Variants in HRNR observed in about 807,000 individuals in gnomAD.
HRNR encodes hornerin.
Under a neutral mutation model 4.8 loss-of-function variants are expected in HRNR, and 7 were observed. The ratio of observed to expected loss-of-function variants is 1.47; its 90% CI spans 0.83 to 2.75. The LOEUF (loss-of-function observed/expected upper bound fraction) is 2.75, where lower values mean the gene tolerates loss of function less well. Ranked by LOEUF, HRNR falls within the 30% of genes most tolerant of loss-of-function variation. The pLI, the probability that HRNR is intolerant of heterozygous loss-of-function variation, is 0.00. For synonymous variants in HRNR, 1,023 were observed against 1,242.7 expected (o/e 0.82, Z 3.72); for missense variants, 2,879 against 3,010.4 (o/e 0.96, Z 1.02).
Position 152,218,506 on chromosome 1 carries a change from C to G in HRNR, c.3123G>C (p.Glu1041Asp), listed in dbSNP as rs1350089039. Reference sequence around the variant, plus strand: ...AGCCAGAAGAGTGACCGGAGCCAGACTCATATGGGCCACGGCTTGAAGACC... The same window carrying G: ...AGCCAGAAGAGTGACCGGAGCCAGAGTCATATGGGCCACGGCTTGAAGACC... Reference protein sequence around the residue: ...SGWSSSRGPYESGSGHSSGLG... With the variant: ...SGWSSSRGPYDSGSGHSSGLG... The change falls in exon 3 of 3, where the codon GAG becomes GAC. Residue 1041 changes from glutamate to aspartate, a missense_variant. Around this residue, in one of 8 missense-constraint regions of HRNR, gnomAD observed 2,646 missense variants for 1,377.7 expected, o/e 1.92. Transcript: ENST00000368801. 1 of 1,613,678 alleles carries G rather than the reference C, an allele frequency of 6.2e-7. No homozygotes were observed. The highest frequency in any genetic ancestry group is 8.5e-7 in the Non-Finnish European group (1 of 1,179,974).
At position 152,218,958 on chromosome 1, in the gene HRNR, G is replaced by T. The variant is rs1269769916; in HGVS notation, c.2671C>A (p.Pro891Thr). 14 of 1,613,804 alleles carry T rather than the reference G, an allele frequency of 8.7e-6. No homozygotes were observed. Among genetic ancestry groups the T allele is most frequent in the Non-Finnish European group, 1.2e-5 (14 of 1,179,916 alleles). Residue 891 changes from proline to threonine, a missense_variant, in exon 3 of 3, where the codon CCA (proline) becomes ACA (threonine). This residue lies in a region of HRNR where 2,646 missense variants were observed against 1,377.7 expected (regional missense o/e 1.92). Coordinates refer to ENST00000368801, the MANE Select transcript of HRNR (RefSeq NM_001009931.3). ...CCAGACCCACGCTGGCCGTGGCCTGGAGACTGGCCAGATCCAGAGCCATGT... is the reference window on the plus strand; with the variant it reads ...CCAGACCCACGCTGGCCGTGGCCTGTAGACTGGCCAGATCCAGAGCCATGT... ...GRHGSGSGQS[P>T]GHGQRGSGSG...
At position 152,219,718 on chromosome 1, in the gene HRNR, A is replaced by G. The variant is rs750975884; in HGVS notation, c.1911T>C (p.Gly637=). 1 of 1,613,488 alleles carries G rather than the reference A, an allele frequency of 6.2e-7. No individual in the cohort carries two copies. The highest frequency in any genetic ancestry group is 1.1e-5 in the South Asian group (1 of 91,066). Residue 637 remains glycine (G), a synonymous_variant, in exon 3 of 3, where the codon GGT becomes GGC. Transcript: ENST00000368801. ...GATSGQSSSH[G]QHGSGSSQSS... ...ACTGACTTGAGCCAGAGCCATGCTG[A>G]CCGTGGCTGGAAGACTGACCTGAGG...
rs1404768637 is a variant in HRNR at position 152,218,908 on chromosome 1, G to A, written c.2721C>T (p.Gly907=). The A allele has an allele frequency of 1.2e-6, 2 of 1,613,858 alleles. No individual in the cohort carries two copies. The highest frequency in any genetic ancestry group is 1.7e-5 in the Admixed American group (1 of 60,002). ...GSGSGQSPSY[G]RHGSGSGRSS... ...ACCGACCGGAGCCAGACCCATGTCG[G>A]CCATAGCTGGGAGACTGCCCTGACC... is the stretch of plus-strand genomic sequence containing the variant. The change falls in exon 3 of 3, where the codon GGC becomes GGT. Residue 907 remains glycine (G), a synonymous_variant. Coordinates refer to ENST00000368801, the MANE Select transcript of HRNR (RefSeq NM_001009931.3).
In HRNR at chr1:152,213,242, G is replaced by C. The variant is rs1201840778; in HGVS notation, c.8387C>G (p.Ser2796Cys). Residue 2796 changes from serine (S) to cysteine (C), a missense_variant, in exon 3 of 3, where the codon TCT (serine) becomes TGT (cysteine). Physicochemically the swap from Ser to Cys is moderately radical, Grantham distance 112. This residue lies in a region of HRNR where 158 missense variants were observed against 107.6 expected (regional missense o/e 1.47). Transcript: ENST00000368801. ...GQHGSGSGQSSGYSQHGSGSG... is the reference protein window; with the variant it reads ...GQHGSGSGQSCGYSQHGSGSG... ...GCCACTTCCATGCTGACTATAACCA[G>C]AGGACTGTCCTGAGCCAGACCCATG... 6.2e-7 allele frequency: 1 copy of C among 1,612,826 alleles called. No homozygotes were observed. Among genetic ancestry groups the C allele is most frequent in the Non-Finnish European group, 8.5e-7 (1 of 1,179,362 alleles).
At position 152,219,211 on chromosome 1, in the gene HRNR, A is replaced by G. The variant is rs34625286; in HGVS notation, c.2418T>C (p.His806=). The change falls in exon 3 of 3, where the codon CAT becomes CAC. Residue 806 remains histidine (H), a synonymous_variant. Coordinates refer to ENST00000368801, the MANE Select transcript of HRNR (RefSeq NM_001009931.3). The part of the protein sequence containing the change: ...SGTSCSSSCG[H]YESGSGQASG... ...AAGCCTGGCCTGAGCCAGACTCATA[A>G]TGGCCACAGCTGGAAGAACAACTTG... 0.024 allele frequency: 38,381 copies of G among 1,613,584 alleles called. 658 individuals are homozygous for G. The highest frequency in any genetic ancestry group is 0.056 in the South Asian group (5,057 of 91,036).
At position 152,219,623 on chromosome 1, in the gene HRNR, A is replaced by G. The variant is rs77790012; in HGVS notation, c.2006T>C (p.Phe669Ser). ...SPSRGRHGSD[F>S]GHSSSYGQHG... ...TTGGCCGTAGCTGGAAGAGTGCCCA[A>G]AATCGGACCCATGTCGGCCGCGACT... The change falls in exon 3 of 3, where the codon TTT (phenylalanine) becomes TCT (serine). Residue 669 changes from phenylalanine (F) to serine (S), a missense_variant. This residue lies in a region of HRNR where 2,646 missense variants were observed against 1,377.7 expected (regional missense o/e 1.92). Transcript: ENST00000368801. 4.0e-4 allele frequency: 626 copies of G among 1,583,718 alleles called. 6 individuals are homozygous for G. The South Asian group carries it at 6.5e-3, about 16-fold the overall frequency.
In HRNR at chr1:152,219,343, A is replaced by G; in HGVS notation, c.2286T>C (p.Ser762=). ...YGQHGSGSHQ[S]SGHGRQGSGS... ...CAGACCCTTGTCGGCCGTGGCCCGAAGATTGATGGGAGCCCGACCCATGCT... is the reference window on the plus strand; with the variant it reads ...CAGACCCTTGTCGGCCGTGGCCCGAGGATTGATGGGAGCCCGACCCATGCT... Residue 762 remains serine, a synonymous_variant, in exon 3 of 3, where the codon TCT becomes TCC. Coordinates refer to ENST00000368801, the MANE Select transcript of HRNR (RefSeq NM_001009931.3). 2 of 1,613,690 alleles carry G rather than the reference A, an allele frequency of 1.2e-6. No homozygotes were observed. The highest frequency in any genetic ancestry group is 1.1e-5 in the South Asian group (1 of 91,046).
In HRNR at chr1:152,221,036, C is replaced by G; in HGVS notation, c.593G>C (p.Gly198Ala). Residue 198 changes from glycine to alanine, a missense_variant, in exon 3 of 3, where the codon GGG (glycine) becomes GCG (alanine). This residue lies in a region of HRNR where 2,646 missense variants were observed against 1,377.7 expected (regional missense o/e 1.92). Coordinates refer to ENST00000368801, the MANE Select transcript of HRNR (RefSeq NM_001009931.3). ...QSSGRGQCGS[G>A]SGQSPNYGQH... ...GCCATAGTTGGGAGACTGCCCTGAC[C>G]CAGACCCACATTGGCCGCGGCCTGA... 1.2e-6 allele frequency: 2 copies of G among 1,613,468 alleles called. No individual in the cohort carries two copies. Among genetic ancestry groups the G allele is most frequent in the East Asian group, 2.2e-5 (1 of 44,836 alleles).
In HRNR at chr1:152,223,295, G is replaced by C; in HGVS notation, c.-25-17C>G. 1 of 1,516,088 alleles carries C rather than the reference G, an allele frequency of 6.6e-7. No homozygotes were observed. The highest frequency in any genetic ancestry group is 9.1e-7 in the Non-Finnish European group (1 of 1,102,942). 93.9% of individuals were successfully genotyped at this position (1,516,088 alleles called of 1,614,324 possible). A position where few individuals can be genotyped will look rare whatever the true frequency, so the allele number is the denominator to read the frequency against. ...TTGAGTAACCTAAAGGGAGGAAAAA[G>C]AGAGACCAACCCCTTACTATTCTTA... On this transcript the variant is annotated splice_polypyrimidine_tract_variant and intron_variant, in intron 1 of 2. Transcript: ENST00000368801.
In HRNR at chr1:152,221,579, ATGTT is replaced by A. The variant is rs987098666; in HGVS notation, c.139-93_139-90del. ...CTGAAGGAAAGATGTGAAAATGTAA[ATGTT>A]TGGGTTATTTATATGGAACTCATTC... On this transcript the variant is annotated intron_variant, in intron 2 of 2. Coordinates refer to ENST00000368801, the MANE Select transcript of HRNR (RefSeq NM_001009931.3). 7 of 1,028,956 alleles carry A rather than the reference ATGTT, an allele frequency of 6.8e-6. No individual in the cohort carries two copies. The African/African-American group carries it at 1.1e-4, about 16-fold the overall frequency. The allele number at this position is 1,028,956 out of a possible 1,614,324, so 63.7% of individuals were successfully genotyped here.
chr1:152,223,009 A>G (rs1431071429), intron 2 of HRNR, 107 bp downstream of exon 2: 3 of 1,171,352 alleles, frequency 2.6e-6, no homozygotes, highest in East Asian at 4.8e-5. Flanking sequence ...GTTCTCTCTC[A>G]CCAAGTAAGG....
Position 152,220,105 on chromosome 1 carries a change from T to A in HRNR, c.1524A>T (p.Gly508=). Reference sequence around the variant, plus strand: ...AGCTGGAAGATGAACCTGCACTAGATCCTTGTCGTTCACCCCTAGATGACT... The same window carrying A: ...AGCTGGAAGATGAACCTGCACTAGAACCTTGTCGTTCACCCCTAGATGACT... The part of the protein sequence containing the change: ...SGQSSRGERQ[G]SSAGSSSSYG... The change falls in exon 3 of 3, where the codon GGA becomes GGT. Residue 508 remains glycine (G), a synonymous_variant. Transcript: ENST00000368801. 1.2e-6 allele frequency: 2 copies of A among 1,611,934 alleles called. No homozygotes were observed. Among genetic ancestry groups the A allele is most frequent in the South Asian group, 1.1e-5 (1 of 90,946 alleles).
chr1:152,220,110 G>T lies in HRNR; in HGVS notation c.1519C>A (p.Gln507Lys), dbSNP rs1648899040. 2 of 1,613,658 alleles carry T rather than the reference G, an allele frequency of 1.2e-6. No homozygotes were observed. Among genetic ancestry groups the T allele is most frequent in the Non-Finnish European group, 1.7e-6 (2 of 1,179,778 alleles). The change falls in exon 3 of 3, where the codon CAA (glutamine) becomes AAA (lysine). Residue 507 changes from glutamine to lysine, a missense_variant. This residue lies in a region of HRNR where 2,646 missense variants were observed against 1,377.7 expected (regional missense o/e 1.92). Coordinates refer to ENST00000368801, the MANE Select transcript of HRNR (RefSeq NM_001009931.3). Reference protein sequence around the residue: ...RSGQSSRGERQGSSAGSSSSY... With the variant: ...RSGQSSRGERKGSSAGSSSSY... ...GAAGATGAACCTGCACTAGATCCTT[G>T]TCGTTCACCCCTAGATGACTGTCCT...
rs1648769805 is a variant in HRNR at position 152,218,722 on chromosome 1, C to G, written c.2907G>C (p.Arg969Ser). ...CTGAGCTAGATCCATGTTGTTCGCT[C>G]CTAGATGACTGTCCTGACCTAGAGC... The part of the protein sequence containing the change: ...QHGSRSGQSS[R>S]SEQHGSSSGS... Residue 969 changes from arginine (R) to serine (S), a missense_variant, in exon 3 of 3, where the codon AGG (arginine) becomes AGC (serine). This residue lies in a region of HRNR where 2,646 missense variants were observed against 1,377.7 expected (regional missense o/e 1.92). Transcript: ENST00000368801. 5 of 1,612,548 alleles carry G rather than the reference C, an allele frequency of 3.1e-6. No homozygotes were observed. In the South Asian group the frequency reaches 5.5e-5, roughly 18 times the overall value.
rs374241804 is a variant in HRNR, at chr1:152,218,420, G to C, written c.3209C>G (p.Ser1070Ter). 264 of 1,613,584 alleles carry C rather than the reference G, an allele frequency of 1.6e-4. 4 individuals carry two copies. The Middle Eastern group carries it at 2.6e-3, about 16-fold the overall frequency. The stretch of plus-strand genomic sequence containing the variant: ...TTGCCCATGGGTAGAGGAATGACCT[G>C]AGCTAGATCCATGTTGACCGTAGCC... ...SSGYGQHGSS[S>*]GHSSTHGQHG... is the part of the protein sequence containing the mutation. Residue 1070 changes from serine (S) to a stop codon, truncating the protein, a stop_gained, in exon 3 of 3, where the codon TCA (serine) becomes TGA (stop). Coordinates refer to ENST00000368801, the MANE Select transcript of HRNR (RefSeq NM_001009931.3). LOFTEE classifies it low-confidence loss of function (END_TRUNC).
chr1:152,223,108 GTTC>G lies in HRNR; in HGVS notation c.138+5_138+7del. On this transcript the variant is annotated splice_donor_5th_base_variant and intron_variant, in intron 2 of 2. Coordinates refer to ENST00000368801, the MANE Select transcript of HRNR (RefSeq NM_001009931.3). ...CTGCATAACTCCATCCTGGCGTGGA[GTTC>G]TTACCTTCAGAATTTGATGAAACTC... The G allele has an allele frequency of 6.2e-7, 1 of 1,613,314 alleles. No homozygotes were observed.
In HRNR at chr1:152,218,528, G is replaced by C. The variant is rs532805553; in HGVS notation, c.3101C>G (p.Ser1034Cys). ...AGACTCATATGGGCCACGGCTTGAAGACCACCCTGAGCCAGACCTATATGG... is the reference window on the plus strand; with the variant it reads ...AGACTCATATGGGCCACGGCTTGAACACCACCCTGAGCCAGACCTATATGG... ...YGPYRSGSGWSSSRGPYESGS... is the reference protein window; with the variant it reads ...YGPYRSGSGWCSSRGPYESGS... The change falls in exon 3 of 3, where the codon TCT (serine) becomes TGT (cysteine). Residue 1034 changes from serine to cysteine, a missense_variant. Around this residue, in one of 8 missense-constraint regions of HRNR, gnomAD observed 2,646 missense variants for 1,377.7 expected, o/e 1.92. Transcript: ENST00000368801. 1 of 1,613,856 alleles carries C rather than the reference G, an allele frequency of 6.2e-7. No individual in the cohort carries two copies. Among genetic ancestry groups the C allele is most frequent in the Non-Finnish European group, 8.5e-7 (1 of 1,179,978 alleles).
At position 152,221,052 on chromosome 1, in the gene HRNR, C is replaced by G. The variant is rs145132244; in HGVS notation, c.577G>C (p.Gly193Arg). 3.7e-6 allele frequency: 6 copies of G among 1,613,382 alleles called. No individual in the cohort carries two copies. In the South Asian group the frequency reaches 5.5e-5, roughly 15 times the overall value. ...TGCCCTGACCCAGACCCACATTGGC[C>G]GCGGCCTGAAGACTGATGGGAGTCG... The part of the protein sequence containing the change: ...NSDSHQSSGR[G>R]QCGSGSGQSP... Residue 193 changes from glycine (G) to arginine (R), a missense_variant, in exon 3 of 3, where the codon GGC becomes CGC. Coordinates refer to ENST00000368801, the MANE Select transcript of HRNR (RefSeq NM_001009931.3).
rs776457996 is a variant in HRNR at position 152,220,836 on chromosome 1, C to A, written c.793G>T (p.Gly265Ter). Reference protein sequence around the residue: ...SGYGQHGSRSGQSSRGERHRS... With the variant: ...SGYGQHGSRS ...TGTCGTTCACCCCTAGATGACTGTCCTGACCTAGAGCCGTGTTGTCCGTAG... is the reference window on the plus strand; with the variant it reads ...TGTCGTTCACCCCTAGATGACTGTCATGACCTAGAGCCGTGTTGTCCGTAG... Residue 265 changes from glycine to a stop codon, truncating the protein, a stop_gained, in exon 3 of 3, where the codon GGA (glycine) becomes TGA (stop). Transcript: ENST00000368801. LOFTEE classifies it low-confidence loss of function (END_TRUNC). The A allele has an allele frequency of 5.0e-5, 81 of 1,613,816 alleles. No homozygotes were observed. In the Middle Eastern group the frequency reaches 6.6e-4, roughly 13 times the overall value.
Sources: gnomAD v4.1 joint callset for allele counts on GRCh38, gnomAD v4.1.1 for gene constraint, gnomAD v4.1.1 regional missense constraint, MANE v1.5 for transcripts, NCBI Gene and HGNC (gene_info 2026-07-23, HGNC 2026-07-21) for gene names.